GABRB1: variants seen among roughly 807,000 people sequenced by gnomAD.
The protein encoded by GABRB1 is gamma-aminobutyric acid receptor subunit beta-1.
GABRB1 carries 17 observed loss-of-function variants against 51.6 expected under a neutral mutation model. The observed-to-expected ratio is 0.33, with a 90% CI of 0.23 to 0.49. The LOEUF is 0.49. Among genes scored for constraint, GABRB1 ranks in the 20% least tolerant of loss-of-function variants. The pLI, the probability that GABRB1 is intolerant of heterozygous loss-of-function variation, is 0.99. For missense variants in GABRB1, 410 were observed against 600.6 expected (o/e 0.68, Z 3.32); for synonymous variants, 247 against 218.9 (o/e 1.13, Z -1.14).
intron 1 of GABRB1, among the ~76,000 whole-genome samples, chr4:47,006,421 G>T (rs1454911354): frequency 6.6e-6 from 1 of 152,116 alleles, no homozygotes; most frequent in Non-Finnish European, 1.5e-5. Context: ...TTCCTATAAT[G>T]ATCATAAGAT....
chr4:47,416,634 T>C (rs1282707725), intron 8 of GABRB1, among the ~76,000 whole-genome samples: 1 of 151,972 alleles, frequency 6.6e-6, no homozygotes, highest in Non-Finnish European at 1.5e-5. Flanking sequence ...GTATTTTTAG[T>C]AGAGATGGGG....
intron 4 of GABRB1, 124 bp downstream of exon 4, chr4:47,161,593 T>A: frequency 1.4e-6 from 1 of 725,476 alleles, no homozygotes; most frequent in Non-Finnish European, 2.3e-6. Context: ...GGGTGTCATA[T>A]ACTTATGAAG....
chr4:47,193,849 T>C lies in GABRB1; in HGVS notation c.461+32380T>C, dbSNP rs943151571. Among the ~76,000 whole-genome samples the C allele has an allele frequency of 1.1e-4, 16 of 152,338 alleles. 1 individual carries two copies. The highest frequency in any genetic ancestry group is 7.2e-4 in the Admixed American group (11 of 15,308). ...CTGGATAGTTAGAATCTTCATCATC[T>C]GACAATGATAGATAAGATTATGCAA... On this transcript the variant is annotated intron_variant, in intron 4 of 8. Coordinates refer to ENST00000295454, the MANE Select transcript of GABRB1 (RefSeq NM_000812.4).
intron 3 of GABRB1, among the ~76,000 whole-genome samples, chr4:47,142,138 A>G (rs1043197919): frequency 7.9e-5 from 12 of 151,900 alleles, no homozygotes; most frequent in African/African-American, 2.7e-4. Flanking sequence ...AGGGTGCTCT[A>G]AAAGTGTCTC....
intron 4 of GABRB1, among the ~76,000 whole-genome samples, chr4:47,292,050 C>A (rs1233867181): frequency 6.6e-6 from 1 of 152,020 alleles, no homozygotes; most frequent in Non-Finnish European, 1.5e-5. Context: ...TGGTTTTGTC[C>A]CCAGCCAAAT....
chr4:47,162,308 A>AT (rs916464035), intron 4 of GABRB1, among the ~76,000 whole-genome samples: 24 of 152,192 alleles, frequency 1.6e-4, no homozygotes, highest in Admixed American at 1.5e-3. Flanking sequence ...GACATGCCCA[A>AT]TGTGTAAAGG....
chr4:47,308,233 G>A (rs1021292511), intron 4 of GABRB1, among the ~76,000 whole-genome samples: 10 of 151,956 alleles, frequency 6.6e-5, no homozygotes, highest in African/African-American at 1.4e-4. Flanking sequence ...GATTCAATGC[G>A]AAGGAAACAG....
At chr4:47,242,373 A>T (rs62303984) in intron 4 of GABRB1, among the ~76,000 whole-genome samples, 51,023 of 152,080 alleles carry the variant, frequency 0.34, 8,889 homozygotes, top group African/African-American at 0.35. Context: ...TTATAGCAGC[A>T]TGATTTATAA....
intron 5 of GABRB1, among the ~76,000 whole-genome samples, chr4:47,332,927 G>T (rs979184770): frequency 2.6e-5 from 4 of 151,482 alleles, no homozygotes; most frequent in East Asian, 1.9e-4. Context: ...CTGGCAGAAG[G>T]CTCCATTTTT....
At chr4:47,411,857 A>G (rs1333795409) in intron 8 of GABRB1, among the ~76,000 whole-genome samples, 1 of 152,198 alleles carries the variant, frequency 6.6e-6, no homozygotes, top group African/African-American at 2.4e-5. Flanking sequence ...GTTTCAGAAG[A>G]TAGTTGAAAC....
intron 3 of GABRB1, among the ~76,000 whole-genome samples, chr4:47,100,675 A>G (rs1449213645): frequency 6.6e-6 from 1 of 151,930 alleles, no homozygotes; most frequent in Non-Finnish European, 1.5e-5. Flanking sequence ...GGAAAAGGTA[A>G]AGAAGGGGAA....
intron 3 of GABRB1, among the ~76,000 whole-genome samples, chr4:47,146,635 G>T (rs549299843): frequency 1.4e-4 from 22 of 152,094 alleles, no homozygotes; most frequent in Admixed American, 1.3e-3. Flanking sequence ...GTAAATTTCA[G>T]GACTGTCCAA....
intron 4 of GABRB1, among the ~76,000 whole-genome samples, chr4:47,191,916 G>C (rs529140825): frequency 6.6e-6 from 1 of 151,928 alleles, no homozygotes; most frequent in East Asian, 1.9e-4. Flanking sequence ...ATTATCTCCC[G>C]CCCTCTGCAG....
intron 3 of GABRB1, among the ~76,000 whole-genome samples, chr4:47,107,192 G>A (rs1267411457): frequency 6.6e-6 from 1 of 152,034 alleles, no homozygotes; most frequent in Non-Finnish European, 1.5e-5. Flanking sequence ...AAGAAAAATA[G>A]AATATTCCCT....
At chr4:47,080,074 A>G (rs144797767) in intron 3 of GABRB1, among the ~76,000 whole-genome samples, 296 of 152,310 alleles carry the variant, frequency 1.9e-3, no homozygotes, top group African/African-American at 6.8e-3. Context: ...CAAGCAATAC[A>G]GAATGAAACC....
At chr4:47,183,561 C>T (rs898640825) in intron 4 of GABRB1, among the ~76,000 whole-genome samples, 3 of 151,646 alleles carry the variant, frequency 2.0e-5, no homozygotes, top group African/African-American at 4.8e-5. Flanking sequence ...TTCATTTCTT[C>T]CATGGAGTTC....
chr4:47,262,623 G>A (rs572440180), intron 4 of GABRB1, among the ~76,000 whole-genome samples: 2 of 152,306 alleles, frequency 1.3e-5, no homozygotes, highest in South Asian at 2.1e-4. Flanking sequence ...AACCCTTGTG[G>A]AAGTCAGTGT....
Position 47,267,397 on chromosome 4 carries a change from GA to G in GABRB1, c.462-52723del, listed in dbSNP as rs1469701632. ...AACCAAGCAAGCCTCATAGAAAGTAGAAAAAAAGAAAAGAGATGAATAATGA... is the reference window on the plus strand; with the variant it reads ...AACCAAGCAAGCCTCATAGAAAGTAGAAAAAAGAAAAGAGATGAATAATGA... On this transcript the variant is annotated intron_variant, in intron 4 of 8. Coordinates refer to ENST00000295454, the MANE Select transcript of GABRB1 (RefSeq NM_000812.4). 2.1e-5 allele frequency among the ~76,000 whole-genome samples: 3 copies of G among 146,154 alleles called. No homozygotes were observed. In the East Asian group the frequency reaches 6.0e-4, roughly 29 times the overall value.
chr4:47,032,693 A>G (rs750069546), intron 3 of GABRB1: 5 of 713,236 alleles, frequency 7.0e-6, no homozygotes, highest in Admixed American at 2.0e-5. Flanking sequence ...TCCAGGGGAA[A>G]CGTGCTCGGC....
Sources: gnomAD v4.1 joint callset for allele counts (sites outside exome capture counted in the v4.1 genomes callset) on GRCh38, gnomAD v4.1.1 for gene constraint, MANE v1.5 for transcripts, NCBI Gene and HGNC (gene_info 2026-07-23, HGNC 2026-07-21) for gene names.